MALRD1: variants seen among roughly 807,000 people sequenced by gnomAD.
MALRD1 encodes the protein MAM and LDL receptor class A domain containing 1.
In MALRD1, 247 loss-of-function variants were observed where a neutral mutation model predicts 242.1. The observed-to-expected ratio is 1.02, with a 90% CI of 0.92 to 1.13. The LOEUF is 1.13. MALRD1 is among the 50% of genes most tolerant of loss of function. The pLI, the probability that MALRD1 is intolerant of heterozygous loss-of-function variation, is 0.00. For missense variants in MALRD1, 2,989 were observed against 2,533.1 expected (o/e 1.18, Z -3.86); for synonymous variants, 995 against 866.6 (o/e 1.15, Z -2.60).
intron 33 of MALRD1, among the ~76,000 whole-genome samples, chr10:19,568,740 C>T (rs923584537): frequency 2.6e-5 from 4 of 152,022 alleles, no homozygotes; most frequent in African/African-American, 9.7e-5. Flanking sequence ...GTTCCATAAG[C>T]AGCCTCTTAC....
At chr10:19,239,069 T>G (rs1269962050) in intron 18 of MALRD1, among the ~76,000 whole-genome samples, 5 of 151,804 alleles carry the variant, frequency 3.3e-5, no homozygotes, top group African/African-American at 1.2e-4. Context: ...TTTTCTTTTT[T>G]TTTTTTTGAG....
intron 35 of MALRD1, among the ~76,000 whole-genome samples, chr10:19,612,546 G>A (rs956963689): frequency 6.6e-6 from 1 of 151,598 alleles, no homozygotes; most frequent in Non-Finnish European, 1.5e-5. Context: ...CCCTTCTCTA[G>A]TGTGCAATGA....
chr10:19,463,835 A>C (rs565671024), intron 29 of MALRD1, among the ~76,000 whole-genome samples: 1 of 152,152 alleles, frequency 6.6e-6, no homozygotes, highest in African/African-American at 2.4e-5. Context: ...TCCCACCAGC[A>C]GTGTAAAAGT....
At chr10:19,438,419 A>G (rs987759331) in intron 28 of MALRD1, among the ~76,000 whole-genome samples, 1 of 152,162 alleles carries the variant, frequency 6.6e-6, no homozygotes, top group African/African-American at 2.4e-5. Context: ...ATGGATACAC[A>G]TGTAGATTGC....
intron 18 of MALRD1, among the ~76,000 whole-genome samples, chr10:19,233,180 C>T (rs1838157165): frequency 6.6e-6 from 1 of 151,998 alleles, no homozygotes; most frequent in Non-Finnish European, 1.5e-5. Context: ...GCTTTCCATC[C>T]CCTCAAGCAT....
intron 18 of MALRD1, among the ~76,000 whole-genome samples, chr10:19,224,504 G>A (rs770434882): frequency 2.0e-5 from 3 of 152,022 alleles, no homozygotes; most frequent in South Asian, 2.1e-4. Context: ...TATTGGCCAG[G>A]CAAGTCTCAA....
At chr10:19,603,752 A>G (rs1446079376) in intron 34 of MALRD1, among the ~76,000 whole-genome samples, 1 of 152,126 alleles carries the variant, frequency 6.6e-6, no homozygotes, top group Admixed American at 6.6e-5. Flanking sequence ...GTTTCTCACA[A>G]TATTTCAAAC....
chr10:19,532,136 T>C lies in MALRD1; in HGVS notation c.5478+785T>C, dbSNP rs200875382. On this transcript the variant is annotated intron_variant, in intron 32 of 39. Transcript: ENST00000454679. The stretch of plus-strand genomic sequence containing the variant: ...ATCAATTTTAATTCTCACCTTCACC[T>C]GATGAGGTAAGTATATTTTTTCCCA... Among the ~76,000 whole-genome samples the C allele has an allele frequency of 9.2e-5, 14 of 152,206 alleles. No homozygotes were observed. The East Asian group carries it at 2.5e-3, about 27-fold the overall frequency.
chr10:19,670,100 A>G (rs571189742), intron 36 of MALRD1, among the ~76,000 whole-genome samples: 2 of 151,998 alleles, frequency 1.3e-5, no homozygotes, highest in Admixed American at 1.3e-4. Flanking sequence ...ACAAACACAC[A>G]CACACACACA....
At chr10:19,175,068 G>A (rs893249015) in intron 13 of MALRD1, 140 bp from the exon 14 acceptor site, 9 of 495,552 alleles carry the variant, frequency 1.8e-5, no homozygotes, top group African/African-American at 8.0e-5. Context: ...AAATTAGGAT[G>A]TTCTGGTCAG....
rs867716165 is a variant in MALRD1, at chr10:19,238,468, A to T, written c.2992-19216A>T. 6.0e-4 allele frequency among the ~76,000 whole-genome samples: 23 copies of T among 38,034 alleles called. 1 individual carries two copies. The highest frequency in any genetic ancestry group is 2.2e-3 in the South Asian group (3 of 1,346). The allele number at this position is 38,034 out of a possible 152,430, so 25.0% of individuals were successfully genotyped here. Reference sequence around the variant, plus strand: ...ATACATTATATATAATATATAATATAATATATAATATACATTATATATAAT... The same window carrying T: ...ATACATTATATATAATATATAATATTATATATAATATACATTATATATAAT... On this transcript the variant is annotated intron_variant, in intron 18 of 39. Transcript: ENST00000454679.
intron 19 of MALRD1, among the ~76,000 whole-genome samples, chr10:19,258,441 C>T (rs1231086683): frequency 6.6e-6 from 1 of 152,136 alleles, no homozygotes; most frequent in Non-Finnish European, 1.5e-5. Context: ...GAGTTTGGCA[C>T]TCAGACTGAG....
intron 21 of MALRD1, among the ~76,000 whole-genome samples, chr10:19,311,966 G>C (rs888418817): frequency 6.6e-6 from 1 of 151,360 alleles, no homozygotes; most frequent in Non-Finnish European, 1.5e-5. Context: ...AGCATTATCT[G>C]CATCTTTTAT....
At chr10:19,358,624 AT>A (rs1844752695) in intron 26 of MALRD1, among the ~76,000 whole-genome samples, 1 of 152,116 alleles carries the variant, frequency 6.6e-6, no homozygotes, top group African/African-American at 2.4e-5. Context: ...TCTAATTCCT[AT>A]CTTTACGTTC....
chr10:19,656,790 C>G (rs992167054), intron 36 of MALRD1, among the ~76,000 whole-genome samples: 7 of 152,088 alleles, frequency 4.6e-5, no homozygotes, highest in Admixed American at 6.6e-5. Flanking sequence ...CAGTAGTGAC[C>G]TTGACCTTGT....
rs1357995590 is a variant in MALRD1 at position 19,607,912 on chromosome 10, T to C, written c.6070+10T>C. 6.5e-7 allele frequency: 1 copy of C among 1,548,958 alleles called. No individual in the cohort carries two copies. Among genetic ancestry groups the C allele is most frequent in the South Asian group, 1.2e-5 (1 of 83,880 alleles). ...GAGTCCAGCTGCTCCGGTACCCCAT[T>C]TCCATTCAGATATTCTTGTGATATG... On this transcript the variant is annotated intron_variant, in intron 35 of 39. Coordinates refer to ENST00000454679, the MANE Select transcript of MALRD1 (RefSeq NM_001142308.3).
At chr10:19,336,497 A>G (rs951498304) in intron 24 of MALRD1, among the ~76,000 whole-genome samples, 3 of 152,138 alleles carry the variant, frequency 2.0e-5, no homozygotes, top group African/African-American at 7.2e-5. Context: ...AAAGAACAAA[A>G]AAGGGTTATA....
chr10:19,417,876 A>G (rs1227075261), intron 28 of MALRD1, among the ~76,000 whole-genome samples: 1 of 152,144 alleles, frequency 6.6e-6, no homozygotes, highest in Non-Finnish European at 1.5e-5. Context: ...ATATAAATGT[A>G]TGGTATAGTG....
chr10:19,652,723 C>T (rs1840953677), intron 36 of MALRD1, among the ~76,000 whole-genome samples: 1 of 152,216 alleles, frequency 6.6e-6, no homozygotes, highest in Non-Finnish European at 1.5e-5. Flanking sequence ...GATTGTCATA[C>T]ATTACCTAAC....
Sources: gnomAD v4.1 joint callset for allele counts (sites outside exome capture counted in the v4.1 genomes callset) on GRCh38, gnomAD v4.1.1 for gene constraint, MANE v1.5 for transcripts, NCBI Gene and HGNC (gene_info 2026-07-23, HGNC 2026-07-21) for gene names.